The following PTPN13 variants were observed in gnomAD, a reference collection of about 807,000 sequenced individuals.
PTPN13 encodes protein tyrosine phosphatase non-receptor type 13.
Under a neutral mutation model 284.0 loss-of-function variants are expected in PTPN13, and 191 were observed. That is an observed-to-expected ratio of 0.67 (90% confidence interval 0.60 to 0.76). The LOEUF (loss-of-function observed/expected upper bound fraction) is 0.76. PTPN13 is among the 30% of genes least tolerant of loss of function. The pLI is 0.00. For synonymous variants in PTPN13, 986 were observed against 1,022.3 expected (o/e 0.96, Z 0.68); for missense variants, 2,797 against 2,939.9 (o/e 0.95, Z 1.12).
chr4:86,790,890 T>C (rs1197451211), intron 40 of PTPN13, among the ~76,000 whole-genome samples: 1 of 152,092 alleles, frequency 6.6e-6, no homozygotes, highest in Non-Finnish European at 1.5e-5. Flanking sequence ...AATGACCGAA[T>C]AGGAACAGCT....
chr4:86,737,028 A>G (rs1735595432), intron 15 of PTPN13, among the ~76,000 whole-genome samples: 1 of 152,114 alleles, frequency 6.6e-6, no homozygotes, highest in South Asian at 2.1e-4. Context: ...AGTATAATTT[A>G]CATACAATAA....
chr4:86,689,846 C>A, intron 5 of PTPN13: 1 of 671,188 alleles, frequency 1.5e-6, no homozygotes, highest in South Asian at 1.7e-5. Flanking sequence ...CTTGTTTGCC[C>A]TATCTGATCT....
intron 7 of PTPN13, among the ~76,000 whole-genome samples, chr4:86,711,999 A>T (rs1260540672): frequency 6.6e-6 from 1 of 152,182 alleles, no homozygotes; most frequent in Non-Finnish European, 1.5e-5. Context: ...AGTCTGATAC[A>T]TTCTAGTTAA....
intron 1 of PTPN13, among the ~76,000 whole-genome samples, chr4:86,597,227 A>G (rs1763897266): frequency 6.6e-6 from 1 of 151,742 alleles, no homozygotes; most frequent in African/African-American, 2.4e-5. Context: ...GGGTCAAATA[A>G]CTTAGGAACT....
intron 40 of PTPN13, among the ~76,000 whole-genome samples, chr4:86,788,916 G>A (rs1742291663): frequency 1.3e-5 from 2 of 152,148 alleles, no homozygotes; most frequent in African/African-American, 4.8e-5. Flanking sequence ...AAAGAAGGGG[G>A]GAAATGGTAG....
At chr4:86,667,734 T>C (rs564716748) in intron 2 of PTPN13, among the ~76,000 whole-genome samples, 24 of 152,294 alleles carry the variant, frequency 1.6e-4, no homozygotes, top group East Asian at 3.9e-4. Context: ...GACACCCTAA[T>C]AGAACGTATA....
chr4:86,690,955 A>T lies in PTPN13; in HGVS notation c.546+1765A>T, dbSNP rs183989847. 1.7e-3 allele frequency among the ~76,000 whole-genome samples: 253 copies of T among 152,288 alleles called. 1 individual carries two copies. Among genetic ancestry groups the T allele is most frequent in the Middle Eastern group, 3.4e-3 (1 of 294 alleles). ...TAGGAGCTCTTATCTAAAATGCCAT[A>T]ACCATTTGCTTAATTATAAAATGAA... is the stretch of plus-strand genomic sequence containing the variant. On this transcript the variant is annotated intron_variant, in intron 5 of 47. Transcript: ENST00000411767.
chr4:86,718,964 C>T (rs995362222), intron 9 of PTPN13, among the ~76,000 whole-genome samples: 1 of 152,076 alleles, frequency 6.6e-6, no homozygotes, highest in African/African-American at 2.4e-5. Context: ...CTATGCTTTA[C>T]GTTACAGTTT....
intron 37 of PTPN13, among the ~76,000 whole-genome samples, 168 bp from the exon 38 acceptor site, chr4:86,784,297 A>G (rs1741659896): frequency 6.6e-6 from 1 of 152,094 alleles, no homozygotes; most frequent in Admixed American, 6.5e-5. Flanking sequence ...CCCATGCCCT[A>G]TGCACATTTA....
At position 86,807,744 on chromosome 4, in the gene PTPN13, A is replaced by G; in HGVS notation, c.6930A>G (p.Gln2310=). 1 of 1,614,040 alleles carries G rather than the reference A, an allele frequency of 6.2e-7. No homozygotes were observed. The highest frequency in any genetic ancestry group is 8.5e-7 in the Non-Finnish European group (1 of 1,179,894). Residue 2310 remains glutamine (Q), a synonymous_variant, in exon 45 of 48, where the codon CAA becomes CAG. Coordinates refer to ENST00000411767, the MANE Select transcript of PTPN13 (RefSeq NM_080683.3). ...QKSTVIAMMT[Q]EVEGEKIKCQ... is the part of the protein sequence containing the mutation. ...CCACAGTGATAGCCATGATGACTCA[A>G]GAAGTAGAAGGAGAAAAAATCAAAT...
chr4:86,660,452 A>C (rs1726354225), intron 2 of PTPN13, among the ~76,000 whole-genome samples: 1 of 152,136 alleles, frequency 6.6e-6, no homozygotes, highest in South Asian at 2.1e-4. Flanking sequence ...ATGGATTAAA[A>C]GTTTTAAAGT....
At chr4:86,704,694 T>A (rs1731537227) in intron 7 of PTPN13, among the ~76,000 whole-genome samples, 1 of 152,224 alleles carries the variant, frequency 6.6e-6, no homozygotes, top group Admixed American at 6.5e-5. Context: ...AAAAAAAATC[T>A]GCTTTCAATT....
intron 19 of PTPN13, among the ~76,000 whole-genome samples, chr4:86,752,541 G>A (rs565626899): frequency 3.9e-5 from 6 of 152,160 alleles, no homozygotes; most frequent in African/African-American, 9.6e-5. Flanking sequence ...CACATATAAC[G>A]GGGCCTCATA....
chr4:86,810,063 CTT>C (rs1391393766), intron 46 of PTPN13, 79 bp downstream of exon 46: 1 of 1,152,984 alleles, frequency 8.7e-7, no homozygotes, highest in Non-Finnish European at 1.2e-6. Flanking sequence ...GTGTTGTGAT[CTT>C]GGGATATTTT....
chr4:86,604,022 C>A (rs1764540017), intron 1 of PTPN13, among the ~76,000 whole-genome samples: 1 of 151,924 alleles, frequency 6.6e-6, no homozygotes, highest in Non-Finnish European at 1.5e-5. Context: ...TTTAACAAGA[C>A]AAAATTAATG....
rs1739520484 is a variant in PTPN13 at position 86,767,916 on chromosome 4, C to A, written c.4429C>A (p.Gln1477Lys). The change falls in exon 28 of 48, where the codon CAA becomes AAA. Residue 1477 changes from glutamine (Q) to lysine (K), a missense_variant. Coordinates refer to ENST00000411767, the MANE Select transcript of PTPN13 (RefSeq NM_080683.3). ...CCTTTCAGATCAGAATGCCCAAGGT[C>A]AAGGCCCAGAAAAAGTGAAGAAAAC... is the stretch of plus-strand genomic sequence containing the variant. ...CTLSDQNAQG[Q>K]GPEKVKKTTQ... is the part of the protein sequence containing the mutation. 1 of 1,609,998 alleles carries A rather than the reference C, an allele frequency of 6.2e-7. No individual in the cohort carries two copies. The highest frequency in any genetic ancestry group is 1.7e-5 in the Admixed American group (1 of 59,534).
intron 7 of PTPN13, among the ~76,000 whole-genome samples, chr4:86,702,783 C>T (rs1578448506): frequency 6.6e-6 from 1 of 152,034 alleles, no homozygotes; most frequent in South Asian, 2.1e-4. Context: ...TTTTAAGATT[C>T]AAGTTTTATA....
intron 9 of PTPN13, among the ~76,000 whole-genome samples, chr4:86,717,467 G>A (rs1415936072): frequency 6.6e-6 from 1 of 152,086 alleles, no homozygotes; most frequent in African/African-American, 2.4e-5. Context: ...GGGATTACAG[G>A]TGTGAATCAA....
chr4:86,793,179 G>C (rs1742889749), intron 40 of PTPN13, among the ~76,000 whole-genome samples: 1 of 151,950 alleles, frequency 6.6e-6, no homozygotes, highest in Admixed American at 6.6e-5. Context: ...CCAAGCCAAT[G>C]GAAAGCAAAA....
Sources: allele counts gnomAD v4.1 joint callset (sites outside exome capture counted in the v4.1 genomes callset), GRCh38; gene constraint gnomAD v4.1.1; transcripts MANE v1.5; gene names NCBI Gene and HGNC (gene_info 2026-07-23, HGNC 2026-07-21).